Variants in GNAQ observed in about 807,000 individuals in gnomAD.
GNAQ encodes the protein guanine nucleotide-binding protein G(q) subunit alpha.
GNAQ carries 8 observed loss-of-function variants against 43.9 expected under a neutral mutation model. That is an observed-to-expected ratio of 0.18 (90% CI 0.11 to 0.33). GNAQ has a LOEUF of 0.33. Among genes scored for constraint, GNAQ ranks in the 10% least tolerant of loss-of-function variants. GNAQ has a pLI of 1.00. For synonymous variants in GNAQ, 155 were observed against 170.7 expected (o/e 0.91, Z 0.71); for missense variants, 158 against 450.8 (o/e 0.35, Z 5.88).
At chr9:77,863,890 C>T (rs1485358156) in intron 2 of GNAQ, among the ~76,000 whole-genome samples, 3 of 152,118 alleles carry the variant, frequency 2.0e-5, no homozygotes, top group Non-Finnish European at 4.4e-5. Flanking sequence ...GAAAGACCTG[C>T]CGCCATGATT....
At chr9:77,848,227 T>C (rs768682531) in intron 2 of GNAQ, among the ~76,000 whole-genome samples, 3 of 152,198 alleles carry the variant, frequency 2.0e-5, no homozygotes, top group Non-Finnish European at 4.4e-5. Context: ...TTCACATCTA[T>C]TAACACCAAA....
rs925757740 is a variant in GNAQ, at chr9:77,716,251, A to G, written c.*5072T>C. The G allele has an allele frequency of 4.4e-6, 1 of 226,152 alleles. No homozygotes were observed. 14.0% of individuals were successfully genotyped at this position (226,152 alleles called of 1,614,324 possible). ...ACTTTAATGGAAGCAAAACTCAACA[A>G]TGAAGAATACTATAGTACAAAATTA... On this transcript the variant is annotated 3_prime_UTR_variant, in exon 7 of 7. Transcript: ENST00000286548.
intron 3 of GNAQ, among the ~76,000 whole-genome samples, chr9:77,811,218 G>C (rs1826916638): frequency 6.6e-6 from 1 of 151,652 alleles, no homozygotes; most frequent in South Asian, 2.1e-4. Context: ...TCTGTAAGAT[G>C]AATATTTCTG....
At chr9:77,996,418 G>T (rs1441376460) in intron 1 of GNAQ, among the ~76,000 whole-genome samples, 3 of 152,064 alleles carry the variant, frequency 2.0e-5, no homozygotes, top group Non-Finnish European at 2.9e-5. Flanking sequence ...GGTGGCTCAC[G>T]CCTGTAATCC....
At chr9:78,015,432 G>C (rs1357743639) in intron 1 of GNAQ, among the ~76,000 whole-genome samples, 1 of 152,168 alleles carries the variant, frequency 6.6e-6, no homozygotes, top group Admixed American at 6.5e-5. Context: ...TGGAATAGGA[G>C]AAATTGCCAC....
At chr9:77,803,739 G>C (rs1268793667) in intron 3 of GNAQ, among the ~76,000 whole-genome samples, 2 of 152,202 alleles carry the variant, frequency 1.3e-5, no homozygotes, top group African/African-American at 4.8e-5. Flanking sequence ...ATGAACCTTT[G>C]TATATTTTGG....
chr9:77,755,499 A>C lies in GNAQ; in HGVS notation c.736-26832T>G, dbSNP rs531532364. Among the ~76,000 whole-genome samples, 5 of 152,294 alleles carry C rather than the reference A, an allele frequency of 3.3e-5. No homozygotes were observed. The South Asian group carries it at 1.0e-3, about 32-fold the overall frequency. On this transcript the variant is annotated intron_variant, in intron 5 of 6. Coordinates refer to ENST00000286548, the MANE Select transcript of GNAQ (RefSeq NM_002072.5). ...TAAATATATATGCCATGTACTCATA[A>C]TTTTTTTAAAAAAAGAAACTTCAAG... is the stretch of plus-strand genomic sequence containing the variant.
chr9:78,017,427 A>G (rs1394266122), intron 1 of GNAQ, among the ~76,000 whole-genome samples: 1 of 152,230 alleles, frequency 6.6e-6, no homozygotes, highest in Non-Finnish European at 1.5e-5. Flanking sequence ...GACATCCTAC[A>G]TATTACTGAA....
At chr9:78,018,913 T>A (rs1823871342) in intron 1 of GNAQ, among the ~76,000 whole-genome samples, 1 of 152,210 alleles carries the variant, frequency 6.6e-6, no homozygotes, top group African/African-American at 2.4e-5. Flanking sequence ...ACACTGTAAT[T>A]TGAGTAGCAA....
rs181530019 is a variant in GNAQ, at chr9:77,992,127, C to T, written c.136+38973G>A. On this transcript the variant is annotated intron_variant, in intron 1 of 6. Transcript: ENST00000286548. ...TCGAATGGTAGTTCTACTTTTAGTTCTCTAAGAAATCTCCATACTGTTTTC... is the reference window on the plus strand; with the variant it reads ...TCGAATGGTAGTTCTACTTTTAGTTTTCTAAGAAATCTCCATACTGTTTTC... Among the ~76,000 whole-genome samples, 44 of 152,314 alleles carry T rather than the reference C, an allele frequency of 2.9e-4. 1 individual carries two copies. In the East Asian group the frequency reaches 7.5e-3, roughly 26 times the overall value.
At chr9:77,735,682 C>T (rs778377035) in intron 5 of GNAQ, among the ~76,000 whole-genome samples, 41 of 152,100 alleles carry the variant, frequency 2.7e-4, no homozygotes, top group African/African-American at 7.5e-4. Context: ...GTTGTTGGGG[C>T]GGGAGGTGGG....
intron 6 of GNAQ, among the ~76,000 whole-genome samples, chr9:77,727,790 AGAAC>A (rs1469759478): frequency 1.3e-5 from 2 of 152,192 alleles, no homozygotes; most frequent in Non-Finnish European, 1.5e-5. Flanking sequence ...AGGAAGTGTC[AGAAC>A]TGGGATCTCA....
In GNAQ at chr9:77,720,256, C is replaced by A. The variant is rs1825289853; in HGVS notation, c.*1067G>T. On this transcript the variant is annotated 3_prime_UTR_variant, in exon 7 of 7. Transcript: ENST00000286548. ...TAGGCTTCACAGTCTTACTCTCTTACATTTTAAGATACCAGCTTTTATTTT... is the reference window on the plus strand; with the variant it reads ...TAGGCTTCACAGTCTTACTCTCTTAAATTTTAAGATACCAGCTTTTATTTT... 1.3e-5 allele frequency: 3 copies of A among 233,306 alleles called. No individual in the cohort carries two copies. The highest frequency in any genetic ancestry group is 2.5e-5 in the Non-Finnish European group (3 of 117,892). 14.5% of individuals were successfully genotyped at this position (233,306 alleles called of 1,614,324 possible). A position where few individuals can be genotyped will look rare whatever the true frequency, so the allele number is the denominator to read the frequency against.
intron 2 of GNAQ, among the ~76,000 whole-genome samples, chr9:77,886,030 G>A (rs772029586): frequency 1.3e-5 from 2 of 152,170 alleles, no homozygotes; most frequent in Non-Finnish European, 2.9e-5. Context: ...AGGCTGGAGT[G>A]CAGTGGCACG....
At chr9:77,831,824 C>T (rs896568302) in intron 2 of GNAQ, among the ~76,000 whole-genome samples, 3 of 152,194 alleles carry the variant, frequency 2.0e-5, no homozygotes, top group Admixed American at 2.0e-4. Context: ...AATGGATGAG[C>T]TGCAAGTAAT....
chr9:77,936,727 CAT>C (rs1009781844), intron 1 of GNAQ, among the ~76,000 whole-genome samples: 63 of 152,322 alleles, frequency 4.1e-4, no homozygotes, highest in Admixed American at 1.1e-3. Flanking sequence ...TCACACCACA[CAT>C]GAGTTGGGGC....
At chr9:77,818,463 A>G (rs191522824) in intron 2 of GNAQ, among the ~76,000 whole-genome samples, 18,132 of 151,292 alleles carry the variant, frequency 0.12, 1,437 homozygotes, top group Admixed American at 0.17. Context: ...AAAAAAAAAA[A>G]GTTCTGTATG....
intron 5 of GNAQ, among the ~76,000 whole-genome samples, chr9:77,738,942 G>GT (rs913860809): frequency 2.0e-4 from 30 of 151,936 alleles, no homozygotes; most frequent in African/African-American, 6.8e-4. Context: ...GAAATACTTA[G>GT]TTTTTTTGTG....
intron 5 of GNAQ, among the ~76,000 whole-genome samples, chr9:77,765,431 A>G (rs558237758): frequency 1.6e-3 from 251 of 152,320 alleles, no homozygotes; most frequent in Middle Eastern, 3.4e-3. Flanking sequence ...AACAACAAAA[A>G]ACTACCTGAA....
Sources: gnomAD v4.1 joint callset for allele counts (sites outside exome capture counted in the v4.1 genomes callset) on GRCh38, gnomAD v4.1.1 for gene constraint, MANE v1.5 for transcripts, NCBI Gene and HGNC (gene_info 2026-07-23, HGNC 2026-07-21) for gene names.